RBM6: variants seen among roughly 807,000 people sequenced by gnomAD.
RBM6 encodes RNA-binding protein 6.
Under a neutral mutation model 140.4 loss-of-function variants are expected in RBM6, and 23 were observed. The observed-to-expected ratio is 0.16, with a 90% CI of 0.12 to 0.23. RBM6 has a LOEUF of 0.23. Ranked by LOEUF, RBM6 falls within the 10% of genes least tolerant of loss-of-function variation. The pLI is 1.00. For missense variants in RBM6, 1,139 were observed against 1,386.7 expected (o/e 0.82, Z 2.84); for synonymous variants, 439 against 475.6 (o/e 0.92, Z 1.00).
intron 6 of RBM6, among the ~76,000 whole-genome samples, chr3:50,018,330 T>G (rs1350095606): frequency 6.6e-6 from 1 of 152,216 alleles, no homozygotes; most frequent in Non-Finnish European, 1.5e-5. Flanking sequence ...CTCTATGTAG[T>G]CTCATTCCTC....
chr3:49,999,013 CT>C (rs981104640), intron 5 of RBM6, among the ~76,000 whole-genome samples: 3 of 145,324 alleles, frequency 2.1e-5, no homozygotes, highest in African/African-American at 5.0e-5. Flanking sequence ...GGGATAATTG[CT>C]TTTTTTTCTT....
At chr3:50,005,086 T>G (rs970560214) in intron 6 of RBM6, among the ~76,000 whole-genome samples, 1 of 152,212 alleles carries the variant, frequency 6.6e-6, no homozygotes, top group African/African-American at 2.4e-5. Flanking sequence ...TAGTGTTTTT[T>G]TGTGTGTGTG....
chr3:50,069,374 A>G (rs146084754), intron 18 of RBM6, among the ~76,000 whole-genome samples: 4 of 152,062 alleles, frequency 2.6e-5, no homozygotes, highest in Middle Eastern at 3.4e-3. Context: ...TTAGGTGGAC[A>G]TGGGGTGTGT....
intron 1 of RBM6, among the ~76,000 whole-genome samples, chr3:49,951,093 G>A (rs1035123553): frequency 6.6e-6 from 1 of 152,134 alleles, no homozygotes; most frequent in Non-Finnish European, 1.5e-5. Context: ...AAATAAGCCA[G>A]TCATGTAAAA....
chr3:49,962,140 C>G (rs1221082284), intron 1 of RBM6, among the ~76,000 whole-genome samples: 4 of 127,872 alleles, frequency 3.1e-5, no homozygotes, highest in African/African-American at 1.2e-4. Context: ...CAAAGCAAGA[C>G]TCCATCTCTT....
rs368576505 is a variant in RBM6, at chr3:50,041,314, T to C, written c.1558-6931T>C. 1.4e-3 allele frequency among the ~76,000 whole-genome samples: 207 copies of C among 152,256 alleles called. 11 individuals are homozygous for C. In the South Asian group the frequency reaches 0.042, roughly 31 times the overall value. ...AGATCCTGTTGGGTAAAAAGTCTAG[T>C]CAAAATGGAGGACATGGAGAAGGCC... On this transcript the variant is annotated intron_variant, in intron 6 of 20. Coordinates refer to ENST00000266022, the MANE Select transcript of RBM6 (RefSeq NM_005777.3).
intron 5 of RBM6, 138 bp from the exon 6 acceptor site, chr3:49,999,302 T>C: frequency 1.5e-6 from 1 of 680,138 alleles, no homozygotes; most frequent in South Asian, 1.9e-5. Context: ...GGGTAGCAAC[T>C]TTACCTAGTG....
intron 6 of RBM6, among the ~76,000 whole-genome samples, chr3:50,003,787 C>G (rs1032926326): frequency 6.6e-6 from 1 of 152,204 alleles, no homozygotes; most frequent in Non-Finnish European, 1.5e-5. Flanking sequence ...TAATTTCCAA[C>G]AGGTATGAAG....
chr3:49,993,517 C>G (rs770040492), intron 5 of RBM6, among the ~76,000 whole-genome samples: 2 of 152,072 alleles, frequency 1.3e-5, no homozygotes, highest in Non-Finnish European at 2.9e-5. Context: ...TGGCGCATGC[C>G]TGTAAACCTA....
intron 6 of RBM6, among the ~76,000 whole-genome samples, chr3:50,018,511 C>T (rs959357544): frequency 2.0e-5 from 3 of 148,114 alleles, no homozygotes; most frequent in Non-Finnish European, 4.4e-5. Flanking sequence ...TGTTTTTGTA[C>T]GGACATACGT....
intron 7 of RBM6, among the ~76,000 whole-genome samples, chr3:50,050,635 A>G (rs562190805): frequency 1.3e-5 from 2 of 152,204 alleles, no homozygotes; most frequent in African/African-American, 4.8e-5. Flanking sequence ...TATTTCTTTT[A>G]TTTTATTAGC....
rs2090073439 is a variant in RBM6, at chr3:50,065,049, G to A, written c.2605G>A (p.Glu869Lys). The A allele has an allele frequency of 2.5e-6, 4 of 1,613,542 alleles. No individual in the cohort carries two copies. The highest frequency in any genetic ancestry group is 3.4e-6 in the Non-Finnish European group (4 of 1,179,518). Reference protein sequence around the residue: ...GVTRFQENASEGKAPAEDVFK... With the variant: ...GVTRFQENASKGKAPAEDVFK... ...TGATCAGTTTCAGGAAAATGCCAGTGAAGGGAAGGCCCCTGCAGAAGACGT... is the reference window on the plus strand; with the variant it reads ...TGATCAGTTTCAGGAAAATGCCAGTAAAGGGAAGGCCCCTGCAGAAGACGT... Residue 869 changes from glutamate (E) to lysine (K), a missense_variant, in exon 16 of 21, where the codon GAA becomes AAA. Glu to Lys is a moderately conservative substitution (Grantham distance 56). Transcript: ENST00000266022.
chr3:50,026,205 C>A (rs2087810112), intron 6 of RBM6, among the ~76,000 whole-genome samples: 1 of 151,564 alleles, frequency 6.6e-6, no homozygotes. Flanking sequence ...CTACCTCAGC[C>A]TTCCGAGTAG....
chr3:49,972,580 C>T (rs1371465835), intron 4 of RBM6, among the ~76,000 whole-genome samples: 1 of 152,182 alleles, frequency 6.6e-6, no homozygotes, highest in Non-Finnish European at 1.5e-5. Context: ...GAACTTATGG[C>T]AGTGCTCGCT....
At chr3:50,039,622 A>G (rs1312269001) in intron 6 of RBM6, among the ~76,000 whole-genome samples, 1 of 152,238 alleles carries the variant, frequency 6.6e-6, no homozygotes, top group Non-Finnish European at 1.5e-5. Context: ...CCATTGCTCT[A>G]AAAGATACAA....
At chr3:49,962,862 C>CTG in intron 2 of RBM6, 177 bp downstream of exon 2, 1 of 509,108 alleles carries the variant, frequency 2.0e-6, no homozygotes, top group East Asian at 4.0e-5. Flanking sequence ...CTTTGGGAGG[C>CTG]TGAGGCGGGC....
intron 10 of RBM6, 48 bp from the exon 11 acceptor site, chr3:50,059,601 G>A: frequency 6.7e-7 from 1 of 1,486,704 alleles, no homozygotes; most frequent in South Asian, 1.2e-5. Context: ...TCTGTCTTTG[G>A]GTTCTGGCAT....
chr3:50,056,000 T>C (rs576058765), intron 8 of RBM6, among the ~76,000 whole-genome samples: 1 of 152,278 alleles, frequency 6.6e-6, no homozygotes, highest in Non-Finnish European at 1.5e-5. Context: ...TCAGGTAGCC[T>C]TCTGTTTGTT....
intron 6 of RBM6, among the ~76,000 whole-genome samples, chr3:50,020,760 A>G (rs566825565): frequency 9.8e-4 from 149 of 152,300 alleles, no homozygotes; most frequent in Non-Finnish European, 1.5e-3. Context: ...AACCTGTACA[A>G]CTTGTTACCA....
Sources: allele counts gnomAD v4.1 joint callset (sites outside exome capture counted in the v4.1 genomes callset), GRCh38; gene constraint gnomAD v4.1.1; transcripts MANE v1.5; gene names NCBI Gene and HGNC (gene_info 2026-07-23, HGNC 2026-07-21).